The following EPHA6 variants were observed in gnomAD, a reference collection of about 807,000 sequenced individuals.
EPHA6 encodes EPH receptor A6.
A neutral mutation model predicts 112.0 loss-of-function variants in EPHA6; 50 were observed. That is an observed-to-expected ratio of 0.45 (90% CI 0.36 to 0.56). The LOEUF (loss-of-function observed/expected upper bound fraction) is 0.56. Among genes scored for constraint, EPHA6 ranks in the 20% least tolerant of loss-of-function variants. The pLI is 0.00. For missense variants in EPHA6, 1,280 were observed against 1,417.4 expected (o/e 0.90, Z 1.56); for synonymous variants, 529 against 490.7 (o/e 1.08, Z -1.03).
chr3:97,316,003 A>C (rs1418719276), intron 5 of EPHA6, among the ~76,000 whole-genome samples: 1 of 151,886 alleles, frequency 6.6e-6, no homozygotes, highest in African/African-American at 2.4e-5. Context: ...AAAAAGGCTT[A>C]TGGAAATTTA....
chr3:97,035,949 G>T (rs1174141839), intron 3 of EPHA6, among the ~76,000 whole-genome samples: 1 of 151,932 alleles, frequency 6.6e-6, no homozygotes, highest in African/African-American at 2.4e-5. Flanking sequence ...AGGTCATGAA[G>T]AAATGAACTC....
intron 3 of EPHA6, among the ~76,000 whole-genome samples, chr3:97,095,658 CTAAG>C (rs894314052): frequency 1.3e-5 from 2 of 151,684 alleles, no homozygotes; most frequent in Non-Finnish European, 2.9e-5. Context: ...GGCCATATGA[CTAAG>C]TATGTGAGGG....
At chr3:96,997,273 A>C (rs940417994) in intron 3 of EPHA6, among the ~76,000 whole-genome samples, 2 of 152,148 alleles carry the variant, frequency 1.3e-5, no homozygotes, top group East Asian at 3.9e-4. Flanking sequence ...TTTGTTATTC[A>C]TGTGTTCACT....
chr3:97,399,788 TTTG>T (rs373117740), intron 5 of EPHA6, among the ~76,000 whole-genome samples: 19 of 151,802 alleles, frequency 1.3e-4, no homozygotes, highest in East Asian at 1.2e-3. Flanking sequence ...TTATTTGTTT[TTTG>T]TTGTTGTTGA....
chr3:97,031,792 AAAC>A (rs1238360190), intron 3 of EPHA6, among the ~76,000 whole-genome samples: 1 of 152,128 alleles, frequency 6.6e-6, no homozygotes, highest in Non-Finnish European at 1.5e-5. Context: ...AAAAGTCAGG[AAAC>A]AACAGGTGCT....
At chr3:97,377,158 T>A (rs1004428898) in intron 5 of EPHA6, among the ~76,000 whole-genome samples, 3 of 152,172 alleles carry the variant, frequency 2.0e-5, no homozygotes, top group Non-Finnish European at 1.5e-5. Flanking sequence ...TGAATTGTCC[T>A]CCCACAATTC....
chr3:97,008,902 G>T (rs2107933720), intron 3 of EPHA6, among the ~76,000 whole-genome samples: 1 of 152,158 alleles, frequency 6.6e-6, no homozygotes, highest in Non-Finnish European at 1.5e-5. Context: ...GGCTACTGCA[G>T]TTTGTTGGGG....
chr3:97,220,562 G>A (rs778798638), intron 3 of EPHA6, among the ~76,000 whole-genome samples: 7 of 152,140 alleles, frequency 4.6e-5, no homozygotes, highest in Non-Finnish European at 1.0e-4. Flanking sequence ...TTCTTCACAA[G>A]GCAAGAGGAA....
At chr3:97,055,301 C>T (rs1182785637) in intron 3 of EPHA6, among the ~76,000 whole-genome samples, 1 of 152,046 alleles carries the variant, frequency 6.6e-6, no homozygotes, top group East Asian at 1.9e-4. Flanking sequence ...TATATATAGC[C>T]TACCTCATTT....
intron 10 of EPHA6, among the ~76,000 whole-genome samples, chr3:97,501,813 A>C (rs1427568931): frequency 1.3e-5 from 2 of 152,106 alleles, no homozygotes; most frequent in East Asian, 3.8e-4. Context: ...AGAAAGTAGA[A>C]GGAAAGAAAT....
intron 2 of EPHA6, among the ~76,000 whole-genome samples, chr3:96,921,279 A>C (rs910368875): frequency 6.6e-6 from 1 of 152,124 alleles, no homozygotes; most frequent in East Asian, 1.9e-4. Flanking sequence ...AGAAGAGCAT[A>C]TTAGCTACAT....
intron 1 of EPHA6, among the ~76,000 whole-genome samples, chr3:96,829,950 CA>C: frequency 1.1e-4 from 1 of 8,940 alleles, no homozygotes. Context: ...CGCGCGCGCG[CA>C]CACACACACA....
At chr3:97,712,152 T>C (rs998718014) in intron 14 of EPHA6, among the ~76,000 whole-genome samples, 5 of 152,232 alleles carry the variant, frequency 3.3e-5, no homozygotes, top group African/African-American at 1.2e-4. Context: ...TTTTTAAAAA[T>C]AAAATCCATT....
chr3:97,638,154 G>T, intron 14 of EPHA6, 72 bp downstream of exon 14: 1 of 1,080,264 alleles, frequency 9.3e-7, no homozygotes, highest in South Asian at 1.7e-5. Context: ...GAGTAATTCT[G>T]TTTCTGCCTT....
chr3:97,079,025 G>A (rs1389909759), intron 3 of EPHA6, among the ~76,000 whole-genome samples: 1 of 152,114 alleles, frequency 6.6e-6, no homozygotes, highest in Non-Finnish European at 1.5e-5. Context: ...ATACCCAAAG[G>A]AATATAAATC....
chr3:97,715,650 T>TAC (rs2034183680), intron 14 of EPHA6, among the ~76,000 whole-genome samples: 2 of 152,246 alleles, frequency 1.3e-5, no homozygotes, highest in Admixed American at 1.3e-4. Context: ...GTATCCTTAC[T>TAC]ACATTTCAAT....
intron 5 of EPHA6, among the ~76,000 whole-genome samples, chr3:97,269,340 C>A (rs1349952308): frequency 6.6e-6 from 1 of 152,164 alleles, no homozygotes; most frequent in Non-Finnish European, 1.5e-5. Context: ...GTATCCATTT[C>A]TTGATGGCTT....
intron 16 of EPHA6, among the ~76,000 whole-genome samples, chr3:97,741,737 C>G (rs906827294): frequency 2.0e-5 from 3 of 152,094 alleles, no homozygotes; most frequent in Non-Finnish European, 4.4e-5. Context: ...TAGTACAACA[C>G]TGCTTCAAAA....
intron 3 of EPHA6, among the ~76,000 whole-genome samples, chr3:97,019,274 ATAATTTTTCT>A (rs2044369854): frequency 6.6e-6 from 1 of 152,122 alleles, no homozygotes; most frequent in African/African-American, 2.4e-5. Context: ...TAATGCTCTG[ATAATTTTTCT>A]TAATATTGAT....
Sources: gnomAD v4.1 joint callset for allele counts (sites outside exome capture counted in the v4.1 genomes callset) on GRCh38, gnomAD v4.1.1 for gene constraint, MANE v1.5 for transcripts, NCBI Gene and HGNC (gene_info 2026-07-23, HGNC 2026-07-21) for gene names.